The following ADSS2 variants were observed in gnomAD, a reference collection of about 807,000 sequenced individuals.
The protein encoded by ADSS2 is adenylosuccinate synthetase isozyme 2.
ADSS2 carries 30 observed loss-of-function variants against 60.0 expected under a neutral mutation model. The observed-to-expected ratio is 0.50, with a 90% CI of 0.37 to 0.68. ADSS2 has a LOEUF of 0.68. ADSS2 is among the 30% of genes least tolerant of loss of function. The probability of loss-of-function intolerance (pLI) is 0.00; values close to 1 mark genes in which losing one functional copy is unlikely to be tolerated. For synonymous variants in ADSS2, 187 were observed against 193.1 expected (o/e 0.97, Z 0.26); for missense variants, 373 against 554.8 (o/e 0.67, Z 3.29).
chr1:244,445,202 A>G (rs1032944236), intron 1 of ADSS2, among the ~76,000 whole-genome samples: 1 of 152,192 alleles, frequency 6.6e-6, no homozygotes, highest in Admixed American at 6.5e-5. Flanking sequence ...CCTTTAAACA[A>G]ATCCCCATTT....
At chr1:244,410,378 A>C (rs1041061722) in intron 12 of ADSS2, among the ~76,000 whole-genome samples, 1 of 152,178 alleles carries the variant, frequency 6.6e-6, no homozygotes, top group Non-Finnish European at 1.5e-5. Context: ...AAAACGATAC[A>C]AGGAAAAAGC....
In ADSS2 at chr1:244,436,218, G is replaced by C. The variant is rs190996184; in HGVS notation, c.355+607C>G. On this transcript the variant is annotated intron_variant, in intron 3 of 12. Coordinates refer to ENST00000366535, the MANE Select transcript of ADSS2 (RefSeq NM_001126.5). ...TTTGGATTTCAGATTTTTGTATTAC[G>C]GATGTTTAACCTGTATTTGTATTAT... is the stretch of plus-strand genomic sequence containing the variant. Among the ~76,000 whole-genome samples, 46 of 152,096 alleles carry C rather than the reference G, an allele frequency of 3.0e-4. 1 individual carries two copies.
At chr1:244,435,823 A>G (rs1665086288) in intron 3 of ADSS2, among the ~76,000 whole-genome samples, 1 of 152,250 alleles carries the variant, frequency 6.6e-6, no homozygotes, top group South Asian at 2.1e-4. Flanking sequence ...AAATGTGTTC[A>G]GGGTAAGTAA....
chr1:244,451,935 GC>G, upstream of ADSS2: 2 of 1,099,950 alleles, frequency 1.8e-6, no homozygotes, highest in African/African-American at 1.7e-5. The surrounding 1 kb of genome is among the most constrained non-coding windows in gnomAD (Gnocchi z 6.6). Context: ...GGCCGGCCCC[GC>G]CCCCGCCCCG....
At chr1:244,448,643 T>C (rs953829813) in intron 1 of ADSS2, among the ~76,000 whole-genome samples, 1 of 152,254 alleles carries the variant, frequency 6.6e-6, no homozygotes, top group Non-Finnish European at 1.5e-5. Context: ...AAGAAGTTTC[T>C]GTAGCTTCTA....
chr1:244,424,126 T>C (rs962104461), intron 5 of ADSS2, 66 bp from the exon 6 acceptor site: 13 of 1,361,698 alleles, frequency 9.5e-6, no homozygotes, highest in Middle Eastern at 1.8e-4. Flanking sequence ...GGTCAGATCA[T>C]TGCAGTGAAT....
intron 4 of ADSS2, 162 bp from the exon 5 acceptor site, chr1:244,424,549 T>C (rs1664753095): frequency 7.2e-6 from 4 of 553,494 alleles, no homozygotes; most frequent in Non-Finnish European, 6.4e-6. Flanking sequence ...TAACACCAAC[T>C]AGTACATTAA....
At chr1:244,414,912 A>G (rs1429421353) in intron 11 of ADSS2, among the ~76,000 whole-genome samples, 5 of 152,328 alleles carry the variant, frequency 3.3e-5, no homozygotes, top group Non-Finnish European at 5.9e-5. Context: ...GTGGCTCCCA[A>G]TGGGATTGGC....
Position 244,418,893 on chromosome 1 carries a change from G to A in ADSS2, c.812C>T (p.Ser271Phe). 1 of 1,610,772 alleles carries A rather than the reference G, an allele frequency of 6.2e-7. No individual in the cohort carries two copies. The change falls in exon 9 of 13, where the codon TCT (serine) becomes TTT (phenylalanine). Residue 271 changes from serine to phenylalanine, a missense_variant. This residue lies in a region of ADSS2 where 28 missense variants were observed against 74.4 expected (regional missense o/e 0.38). Transcript: ENST00000366535. ...AACACCTCCAACAGTACAATTTGAA[G>A]AGGTTACAAAAGGGTAAGTCCCTAA... ...IDFGTYPFVT[S>F]SNCTVGGVCT...
chr1:244,433,136 T>C (rs1453928637), intron 3 of ADSS2, among the ~76,000 whole-genome samples: 3 of 152,062 alleles, frequency 2.0e-5, no homozygotes, highest in Non-Finnish European at 1.5e-5. Context: ...CTCGGGTAGC[T>C]GTGGCACGAG....
In ADSS2 at chr1:244,411,501, T is replaced by C. The variant is rs994141189; in HGVS notation, c.1169-65A>G. Reference sequence around the variant, plus strand: ...TTTACTGTCAAACAACTTTTTGATATATTGTAGGTTCAAAATGTCTTTTCA... The same window carrying C: ...TTTACTGTCAAACAACTTTTTGATACATTGTAGGTTCAAAATGTCTTTTCA... On this transcript the variant is annotated intron_variant, in intron 11 of 12. Transcript: ENST00000366535. The C allele has an allele frequency of 9.6e-6, 14 of 1,463,694 alleles. 1 individual carries two copies. In the South Asian group the frequency reaches 1.3e-4, roughly 14 times the overall value. The allele number at this position is 1,463,694 out of a possible 1,614,324, so 90.7% of individuals were successfully genotyped here. A position where few individuals can be genotyped will look rare whatever the true frequency, so the allele number is the denominator to read the frequency against.
chr1:244,427,973 T>C (rs1231101483), intron 4 of ADSS2, among the ~76,000 whole-genome samples: 1 of 152,166 alleles, frequency 6.6e-6, no homozygotes, highest in Non-Finnish European at 1.5e-5. Flanking sequence ...TCAATGTGCA[T>C]GAAGCAAAAA....
intron 1 of ADSS2, among the ~76,000 whole-genome samples, chr1:244,448,719 T>C (rs1036929519): frequency 3.3e-4 from 50 of 152,200 alleles, no homozygotes; most frequent in Non-Finnish European, 6.0e-4. Flanking sequence ...AAAACAGTAT[T>C]AGGCTTCCTT....
chr1:244,418,138 C>T (rs1389512972), intron 9 of ADSS2, among the ~76,000 whole-genome samples: 1 of 152,102 alleles, frequency 6.6e-6, no homozygotes, highest in African/African-American at 2.4e-5. Flanking sequence ...ATCATAATGC[C>T]CTTCTGAAGA....
At chr1:244,422,687 T>TCATG in intron 7 of ADSS2, 148 bp downstream of exon 7, 1 of 594,230 alleles carries the variant, frequency 1.7e-6, no homozygotes, top group Non-Finnish European at 3.0e-6. Context: ...CTAAGCCATA[T>TCATG]CATGTAAAGT....
intron 11 of ADSS2, among the ~76,000 whole-genome samples, chr1:244,414,205 T>A (rs1395465664): frequency 6.6e-6 from 1 of 152,072 alleles, no homozygotes; most frequent in Non-Finnish European, 1.5e-5. Context: ...TGACTATCAA[T>A]CAATAGTCAT....
At position 244,422,831 on chromosome 1, in the gene ADSS2, T is replaced by A; in HGVS notation, c.663+4A>T. On this transcript the variant is annotated splice_donor_region_variant and intron_variant, in intron 7 of 12. Coordinates refer to ENST00000366535, the MANE Select transcript of ADSS2 (RefSeq NM_001126.5). ...AGAACATTAAAGATGCCAGAAAGCA[T>A]TACCTTGAGTTTTTGTAATTCACCT... The A allele has an allele frequency of 6.3e-7, 1 of 1,576,394 alleles. No individual in the cohort carries two copies. Among genetic ancestry groups the A allele is most frequent in the South Asian group, 1.1e-5 (1 of 89,746 alleles).
Position 244,411,335 on chromosome 1 carries a change from T to C in ADSS2, c.1270A>G (p.Asn424Asp). ...NARAFKELPV[N>D]AQNYVRFIED... ...ATAAATCGAACATAGTTTTGTGCATTAACAGGTAGTTCTTTAAACGCCCTT... is the reference window on the plus strand; with the variant it reads ...ATAAATCGAACATAGTTTTGTGCATCAACAGGTAGTTCTTTAAACGCCCTT... Residue 424 changes from asparagine (N) to aspartate (D), a missense_variant, in exon 12 of 13, where the codon AAT (asparagine) becomes GAT (aspartate). Around this residue, in one of 5 missense-constraint regions of ADSS2, gnomAD observed 130 missense variants for 169.4 expected, o/e 0.77. Coordinates refer to ENST00000366535, the MANE Select transcript of ADSS2 (RefSeq NM_001126.5). 1 of 1,614,024 alleles carries C rather than the reference T, an allele frequency of 6.2e-7. No homozygotes were observed. Among genetic ancestry groups the C allele is most frequent in the Admixed American group, 1.7e-5 (1 of 60,024 alleles).
intron 1 of ADSS2, among the ~76,000 whole-genome samples, chr1:244,450,689 GGA>G (rs903720668): frequency 2.0e-5 from 3 of 152,166 alleles, no homozygotes; most frequent in Non-Finnish European, 2.9e-5. Context: ...TTTTGAAACT[GGA>G]GAGAGTTATC....
Sources: gnomAD v4.1 joint callset for allele counts (sites outside exome capture counted in the v4.1 genomes callset) on GRCh38, gnomAD v4.1.1 for gene constraint, gnomAD v4.1.1 regional missense constraint, Gnocchi (gnomAD v3.1) non-coding constraint, MANE v1.5 for transcripts, NCBI Gene and HGNC (gene_info 2026-07-23, HGNC 2026-07-21) for gene names.